Variants in FBXL20 observed in about 807,000 individuals in gnomAD.
The protein encoded by FBXL20 is F-box and leucine rich repeat protein 20, also known as F-box/LRR-repeat protein 20.
A neutral mutation model predicts 64.0 loss-of-function variants in FBXL20; 11 were observed. The ratio of observed to expected loss-of-function variants is 0.17; its 90% CI spans 0.11 to 0.28. The LOEUF is 0.28. Ranked by LOEUF, FBXL20 falls within the 10% of genes least tolerant of loss-of-function variation. The pLI, the probability that FBXL20 is intolerant of heterozygous loss-of-function variation, is 1.00. For missense variants in FBXL20, 303 were observed against 526.2 expected (o/e 0.58, Z 4.15); for synonymous variants, 184 against 189.0 (o/e 0.97, Z 0.22).
chr17:39,316,276 C>T (rs1454803704), intron 2 of FBXL20, among the ~76,000 whole-genome samples: 1 of 149,540 alleles, frequency 6.7e-6, no homozygotes, highest in Non-Finnish European at 1.5e-5. Context: ...TACATATATA[C>T]ACGTGTTCAT....
Position 39,285,465 on chromosome 17 carries a change from A to G in FBXL20, c.494+13T>C, listed in dbSNP as rs773253215. The G allele has an allele frequency of 5.8e-6, 9 of 1,540,250 alleles. No individual in the cohort carries two copies. The South Asian group carries it at 6.4e-5, about 11-fold the overall frequency. ...TTTTTGATTACTTGACATGCTTATT[A>G]TAAGAAATTTACCTCAGAGCTTTTA... On this transcript the variant is annotated intron_variant, in intron 7 of 14. Transcript: ENST00000264658.
intron 6 of FBXL20, among the ~76,000 whole-genome samples, chr17:39,290,045 C>G (rs1476969407): frequency 7.1e-6 from 1 of 140,358 alleles, no homozygotes; most frequent in East Asian, 2.1e-4. Context: ...GTTTATTTCT[C>G]TATCATTTAC....
Position 39,282,868 on chromosome 17 carries a change from C to T in FBXL20, c.495-13G>A. The T allele has an allele frequency of 6.2e-7, 1 of 1,613,854 alleles. No homozygotes were observed. The highest frequency in any genetic ancestry group is 1.3e-5 in the African/African-American group (1 of 75,030). On this transcript the variant is annotated splice_polypyrimidine_tract_variant and intron_variant, in intron 7 of 14. Transcript: ENST00000264658. ...TGGACATCCCTCACTTAGGATAAAA[C>T]AAAATAAGAGAAACATATCACTAAA...
intron 10 of FBXL20, among the ~76,000 whole-genome samples, chr17:39,271,627 TG>T (rs1162424354): frequency 0.012 from 1,128 of 96,286 alleles, 22 homozygotes; most frequent in African/African-American, 0.041. Context: ...AAAAAAAAGG[TG>T]GGGGGGATTG....
chr17:39,351,860 A>T (rs1343942573), intron 1 of FBXL20, among the ~76,000 whole-genome samples: 1 of 152,206 alleles, frequency 6.6e-6, no homozygotes, highest in African/African-American at 2.4e-5. Flanking sequence ...TCTTAAATAT[A>T]TTGGTTTTTA....
chr17:39,288,970 TG>T (rs1380958553), intron 6 of FBXL20, among the ~76,000 whole-genome samples: 3 of 152,222 alleles, frequency 2.0e-5, no homozygotes, highest in Non-Finnish European at 4.4e-5. Context: ...CCCAAAGTGC[TG>T]GGATTACAGG....
chr17:39,356,884 A>AGGGC (rs2047746912), intron 1 of FBXL20, among the ~76,000 whole-genome samples: 1 of 150,962 alleles, frequency 6.6e-6, no homozygotes, highest in Non-Finnish European at 1.5e-5. Flanking sequence ...GGCTAGTCTT[A>AGGGC]AACTCCTAAA....
At chr17:39,385,899 G>A (rs952582466) in intron 1 of FBXL20, among the ~76,000 whole-genome samples, 2 of 151,842 alleles carry the variant, frequency 1.3e-5, no homozygotes, top group Admixed American at 6.6e-5. Context: ...GCATGGTGGC[G>A]TGTGCCTGTA....
In FBXL20 at chr17:39,266,869, G is replaced by A. The variant is rs375422460; in HGVS notation, c.934-1416C>T. Among the ~76,000 whole-genome samples the A allele has an allele frequency of 4.6e-5, 7 of 152,284 alleles. No homozygotes were observed. In the South Asian group the frequency reaches 1.2e-3, roughly 27 times the overall value. Reference sequence around the variant, plus strand: ...TAAATGAATCAAAATCTGTCCCCTTGGTAGCTAGTTGTAGTGGCTTGCGCC... The same window carrying A: ...TAAATGAATCAAAATCTGTCCCCTTAGTAGCTAGTTGTAGTGGCTTGCGCC... On this transcript the variant is annotated intron_variant, in intron 12 of 14. Transcript: ENST00000264658.
rs1345871329 is a variant in FBXL20 at position 39,260,337 on chromosome 17, A to G, written c.*1123T>C. On this transcript the variant is annotated 3_prime_UTR_variant, in exon 15 of 15. Transcript: ENST00000264658. ...ACTTTCAGGCTCTGTTTTGTGATTT[A>G]TCATTTTCACTCTTTCCTAATAATA... 6.6e-6 allele frequency: 1 copy of G among 152,136 alleles called. No homozygotes were observed. Among genetic ancestry groups the G allele is most frequent in the Non-Finnish European group, 1.5e-5 (1 of 68,030 alleles). The allele number at this position is 152,136 out of a possible 1,614,324, so 9.4% of individuals were successfully genotyped here. A position where few individuals can be genotyped will look rare whatever the true frequency, so the allele number is the denominator to read the frequency against.
chr17:39,382,916 T>G (rs1484605435), intron 1 of FBXL20, among the ~76,000 whole-genome samples: 1 of 151,092 alleles, frequency 6.6e-6, no homozygotes, highest in Non-Finnish European at 1.5e-5. Context: ...CAGCACTTTG[T>G]GAGGCCGAAG....
chr17:39,372,154 A>C (rs1480225797), intron 1 of FBXL20, among the ~76,000 whole-genome samples: 1 of 152,028 alleles, frequency 6.6e-6, no homozygotes, highest in Non-Finnish European at 1.5e-5. Flanking sequence ...TCATAATTTC[A>C]AATAGAGTTT....
At position 39,265,996 on chromosome 17, in the gene FBXL20, C is replaced by T. The variant is rs138675177; in HGVS notation, c.934-543G>A. Among the ~76,000 whole-genome samples, 25 of 151,970 alleles carry T rather than the reference C, an allele frequency of 1.6e-4. 1 individual carries two copies. In the East Asian group the frequency reaches 4.8e-3, roughly 29 times the overall value. On this transcript the variant is annotated intron_variant, in intron 12 of 14. Transcript: ENST00000264658. Reference sequence around the variant, plus strand: ...TTTCAGGCTCAAGCAATCCTCCTGCCTCGCCTCACAGAGTGTTGAGATGAC... The same window carrying T: ...TTTCAGGCTCAAGCAATCCTCCTGCTTCGCCTCACAGAGTGTTGAGATGAC...
At chr17:39,366,782 T>A (rs1231374302) in intron 1 of FBXL20, among the ~76,000 whole-genome samples, 1 of 152,026 alleles carries the variant, frequency 6.6e-6, no homozygotes, top group Admixed American at 6.6e-5. Context: ...GAATGTAACC[T>A]CTAGTTACTT....
chr17:39,358,978 G>C (rs529536840), intron 1 of FBXL20, among the ~76,000 whole-genome samples: 1 of 152,276 alleles, frequency 6.6e-6, no homozygotes, highest in East Asian at 1.9e-4. Context: ...CTAATCATTA[G>C]AAAAATGCAA....
intron 11 of FBXL20, among the ~76,000 whole-genome samples, chr17:39,269,386 G>C (rs2046820509): frequency 6.6e-6 from 1 of 151,782 alleles, no homozygotes; most frequent in African/African-American, 2.4e-5. Context: ...GTAGAGACGG[G>C]GTTTCACCAT....
At chr17:39,338,478 T>C (rs958024092) in intron 2 of FBXL20, among the ~76,000 whole-genome samples, 1 of 152,100 alleles carries the variant, frequency 6.6e-6, no homozygotes, top group Non-Finnish European at 1.5e-5. Flanking sequence ...CCCTCCACTA[T>C]TGTCCTATGA....
chr17:39,327,216 T>C (rs1234884437), intron 2 of FBXL20, among the ~76,000 whole-genome samples: 2 of 152,156 alleles, frequency 1.3e-5, no homozygotes, highest in Non-Finnish European at 2.9e-5. Flanking sequence ...GTTGGGATTA[T>C]AGCCATGCAC....
chr17:39,312,568 CTTT>C (rs750605079), intron 2 of FBXL20, among the ~76,000 whole-genome samples: 46 of 91,696 alleles, frequency 5.0e-4, no homozygotes, highest in African/African-American at 2.5e-3. Flanking sequence ...TAAATTCTAT[CTTT>C]TTTTTTTTTT....
Sources: allele counts gnomAD v4.1 joint callset (sites outside exome capture counted in the v4.1 genomes callset), GRCh38; gene constraint gnomAD v4.1.1; transcripts MANE v1.5; gene names NCBI Gene and HGNC (gene_info 2026-07-23, HGNC 2026-07-21).